The following SMAD6 variants were observed in gnomAD, a reference collection of about 807,000 sequenced individuals.
SMAD6 encodes SMAD family member 6, also known as MAD homolog 6.
Under a neutral mutation model 39.4 loss-of-function variants are expected in SMAD6, and 103 were observed. That is an observed-to-expected ratio of 2.62 (90% CI 2.23 to 3.08). The LOEUF is 3.08. Ranked by LOEUF, SMAD6 falls within the 30% of genes most tolerant of loss-of-function variation. SMAD6 has a pLI of 0.00. For missense variants in SMAD6, 1,104 were observed against 742.9 expected (o/e 1.49, Z -5.65); for synonymous variants, 445 against 353.3 (o/e 1.26, Z -2.91).
intron 3 of SMAD6, chr15:66,716,918 G>A (rs748475126): frequency 4.1e-5 from 49 of 1,182,496 alleles, no homozygotes; most frequent in Non-Finnish European, 5.0e-5. Flanking sequence ...CAGAAGATTG[G>A]GGGAATTGGA....
Position 66,703,436 on chromosome 15 carries a change from G to T in SMAD6, c.178G>T (p.Val60Phe), listed in dbSNP as rs1298929102. The change falls in exon 1 of 4, where the codon GTC becomes TTC. Residue 60 changes from valine to phenylalanine, a missense_variant. By Grantham distance (50) the Val-to-Phe change is conservative (BLOSUM62 -1). Transcript: ENST00000288840. ...REGGGCGRSE[V>F]RPVAPRRPRD... The stretch of plus-strand genomic sequence containing the variant: ...GGGCGGAGGCTGCGGCCGCTCCGAA[G>T]TCCGCCCGGTAGCCCCGCGGCGGCC... 1.0e-4 allele frequency: 132 copies of T among 1,287,258 alleles called. No homozygotes were observed. Among genetic ancestry groups the T allele is most frequent in the Non-Finnish European group, 6.9e-6 (7 of 1,014,240 alleles). 79.7% of individuals were successfully genotyped at this position (1,287,258 alleles called of 1,614,324 possible).
rs142048788 is a variant in SMAD6 at position 66,717,126 on chromosome 15, C to A, written c.952+628C>A. 7.1e-4 allele frequency: 911 copies of A among 1,288,306 alleles called. 5 individuals carry two copies. In the African/African-American group the frequency reaches 0.013, roughly 18 times the overall value. The allele number at this position is 1,288,306 out of a possible 1,614,324, so 79.8% of individuals were successfully genotyped here. ...GGAGGAATACCTGAATCAAACTTTC[C>A]TTGAGAAATGAGAGGTTGGTGTTGG... On this transcript the variant is annotated intron_variant, in intron 3 of 3. Transcript: ENST00000288840.
intron 3 of SMAD6, among the ~76,000 whole-genome samples, chr15:66,722,742 C>T (rs890443137): frequency 6.6e-6 from 1 of 152,048 alleles, no homozygotes; most frequent in African/African-American, 2.4e-5. Flanking sequence ...CAGAAGGACC[C>T]ATTCTTCCTG....
rs1045629492 is a variant in SMAD6 at position 66,703,008 on chromosome 15, A to G, written c.-251A>G. 1.4e-5 allele frequency: 5 copies of G among 352,866 alleles called. No individual in the cohort carries two copies. Among genetic ancestry groups the G allele is most frequent in the South Asian group, 2.7e-4 (2 of 7,376 alleles). 21.9% of individuals were successfully genotyped at this position (352,866 alleles called of 1,614,324 possible). On this transcript the variant is annotated 5_prime_UTR_variant, in exon 1 of 4. An upstream start codon of the reference 5' UTR is lost. Coordinates refer to ENST00000288840, the MANE Select transcript of SMAD6 (RefSeq NM_005585.5). ...TTGAGCAGCCCCGCCGCTGTGGTCC[A>G]TGTAGCCGCTGGCCGCGCGCGGACT...
chr15:66,709,784 A>G (rs1893191717), intron 1 of SMAD6, among the ~76,000 whole-genome samples: 1 of 152,204 alleles, frequency 6.6e-6, no homozygotes, highest in Non-Finnish European at 1.5e-5. Flanking sequence ...TTCTCTGTAC[A>G]GTGGAAACAC....
At chr15:66,763,071 C>A (rs1894228371) in intron 3 of SMAD6, among the ~76,000 whole-genome samples, 1 of 152,272 alleles carries the variant, frequency 6.6e-6, no homozygotes. Context: ...CAGAAGATGT[C>A]CAAAGTGCCC....
At chr15:66,711,933 A>C (rs1230562114) in intron 2 of SMAD6, among the ~76,000 whole-genome samples, 1 of 152,140 alleles carries the variant, frequency 6.6e-6, no homozygotes, top group African/African-American at 2.4e-5. Context: ...CAGGCTATTT[A>C]CATCTCGAAA....
At position 66,721,199 on chromosome 15, in the gene SMAD6, AACCCAAGGTGGATCCACACTGCTT is replaced by A. The variant is rs147448956; in HGVS notation, c.952+4707_952+4730del. On this transcript the variant is annotated intron_variant, in intron 3 of 3. Transcript: ENST00000288840. ...GCAGCGTGGACCCACCTAGGGTTGC[AACCCAAGGTGGATCCACACTGCTT>A]ACCCACCTGCCACTCGGTAGCACCT... Among the ~76,000 whole-genome samples the A allele has an allele frequency of 6.6e-3, 1,006 of 152,114 alleles. 17 individuals carry two copies. In the East Asian group the frequency reaches 0.077, roughly 12 times the overall value.
rs546357819 is a variant in SMAD6 at position 66,760,985 on chromosome 15, C to T, written c.953-20012C>T. Among the ~76,000 whole-genome samples, 66 of 152,318 alleles carry T rather than the reference C, an allele frequency of 4.3e-4. 2 individuals are homozygous for T. In the South Asian group the frequency reaches 9.1e-3, roughly 21 times the overall value. ...AAATCTTGTTAAAAACATAGATTCC[C>T]GGGCTCCACCCAGGACCCATGAATG... On this transcript the variant is annotated intron_variant, in intron 3 of 3. Coordinates refer to ENST00000288840, the MANE Select transcript of SMAD6 (RefSeq NM_005585.5).
intron 3 of SMAD6, among the ~76,000 whole-genome samples, chr15:66,741,313 G>A (rs927126296): frequency 6.6e-6 from 1 of 152,014 alleles, no homozygotes; most frequent in South Asian, 2.1e-4. Context: ...CCCCATTTGA[G>A]GTGGTTTGCC....
chr15:66,739,669 G>A (rs1893777982), intron 3 of SMAD6, among the ~76,000 whole-genome samples: 1 of 152,228 alleles, frequency 6.6e-6, no homozygotes, highest in African/African-American at 2.4e-5. Context: ...TTGCAAAGAA[G>A]CATGTGGCAT....
chr15:66,721,828 CAA>C (rs1893438409), intron 3 of SMAD6, among the ~76,000 whole-genome samples: 1 of 152,114 alleles, frequency 6.6e-6, no homozygotes, highest in South Asian at 2.1e-4. Context: ...CAAACAATAA[CAA>C]GAGGCGGTCC....
intron 3 of SMAD6, among the ~76,000 whole-genome samples, chr15:66,768,652 A>G (rs965099675): frequency 1.3e-5 from 2 of 152,188 alleles, no homozygotes; most frequent in East Asian, 1.9e-4. Context: ...AATGGGGACA[A>G]TGGTTCTCCT....
rs1336526880 is a variant in SMAD6, at chr15:66,781,503, T to C, written c.1459T>C (p.Trp487Arg). Reference protein sequence around the residue: ...SRQFITSCPCWLEILLNNPR With the variant: ...SRQFITSCPCRLEILLNNPR ...GCAGTTCATCACCTCCTGCCCCTGCTGGCTGGAGATCCTCCTCAACAACCC... is the reference window on the plus strand; with the variant it reads ...GCAGTTCATCACCTCCTGCCCCTGCCGGCTGGAGATCCTCCTCAACAACCC... Residue 487 changes from tryptophan to arginine, a missense_variant, in exon 4 of 4, where the codon TGG (tryptophan) becomes CGG (arginine). Physicochemically the swap from Trp to Arg is moderately radical, Grantham distance 101. Coordinates refer to ENST00000288840, the MANE Select transcript of SMAD6 (RefSeq NM_005585.5). The C allele has an allele frequency of 2.0e-6, 3 of 1,527,598 alleles. No individual in the cohort carries two copies. Among genetic ancestry groups the C allele is most frequent in the Non-Finnish European group, 2.6e-6 (3 of 1,138,394 alleles). 94.6% of individuals were successfully genotyped at this position (1,527,598 alleles called of 1,614,324 possible).
chr15:66,765,285 C>T (rs1430415319), intron 3 of SMAD6, among the ~76,000 whole-genome samples: 1 of 152,064 alleles, frequency 6.6e-6, no homozygotes, highest in Admixed American at 6.5e-5. Flanking sequence ...AGTGCAGTGG[C>T]GCAATCTGGC....
chr15:66,777,915 G>A (rs983254332), intron 3 of SMAD6, among the ~76,000 whole-genome samples: 1 of 152,208 alleles, frequency 6.6e-6, no homozygotes, highest in Non-Finnish European at 1.5e-5. Flanking sequence ...CGGCTCTATG[G>A]GTTCATCCCC....
At chr15:66,777,840 A>T (rs2140677535) in intron 3 of SMAD6, among the ~76,000 whole-genome samples, 1 of 152,270 alleles carries the variant, frequency 6.6e-6, no homozygotes. Context: ...GCCGCAGGGG[A>T]TGGGGCCTGG....
chr15:66,770,047 C>T (rs577512752), intron 3 of SMAD6, among the ~76,000 whole-genome samples: 5 of 152,322 alleles, frequency 3.3e-5, no homozygotes, highest in East Asian at 1.9e-4. Context: ...AGGCTGGTTT[C>T]GAACTCCTGA....
At chr15:66,731,229 G>T (rs1397722235) in intron 3 of SMAD6, among the ~76,000 whole-genome samples, 1 of 151,850 alleles carries the variant, frequency 6.6e-6, no homozygotes, top group Non-Finnish European at 1.5e-5. Flanking sequence ...ACGAGGTCAG[G>T]AGATCGAGAC....
Sources: gnomAD v4.1 joint callset for allele counts (sites outside exome capture counted in the v4.1 genomes callset) on GRCh38, gnomAD v4.1.1 for gene constraint, MANE v1.5 for transcripts, NCBI Gene and HGNC (gene_info 2026-07-23, HGNC 2026-07-21) for gene names.